Variants in PPM1H observed in about 807,000 individuals in gnomAD.
PPM1H encodes the protein protein phosphatase, Mg2+/Mn2+ dependent 1H, also known as protein phosphatase 1H.
PPM1H carries 27 observed loss-of-function variants against 54.9 expected under a neutral mutation model. That is an observed-to-expected ratio of 0.49 (90% CI 0.36 to 0.68). The LOEUF (loss-of-function observed/expected upper bound fraction) is 0.68, where lower values mean the gene tolerates loss of function less well. Among genes scored for constraint, PPM1H ranks in the 30% least tolerant of loss-of-function variants. The probability of loss-of-function intolerance (pLI) is 0.00; values close to 1 mark genes in which losing one functional copy is unlikely to be tolerated. For synonymous variants in PPM1H, 305 were observed against 270.8 expected (o/e 1.13, Z -1.24); for missense variants, 596 against 667.8 (o/e 0.89, Z 1.19).
At chr12:62,827,164 G>A (rs150380985) in intron 2 of PPM1H, among the ~76,000 whole-genome samples, 20 of 152,216 alleles carry the variant, frequency 1.3e-4, no homozygotes, top group African/African-American at 4.8e-4. Context: ...ACTTTCACCT[G>A]GAAAGGTAGA....
At chr12:62,667,473 G>T (rs181033815) in intron 8 of PPM1H, 144 bp from the exon 9 acceptor site, 2 of 719,970 alleles carry the variant, frequency 2.8e-6, no homozygotes, top group Non-Finnish European at 4.4e-6. Context: ...ATTATACAGC[G>T]AGCTGTGTGG....
At chr12:62,799,297 CCT>C (rs1226138273) in intron 3 of PPM1H, among the ~76,000 whole-genome samples, 2 of 152,156 alleles carry the variant, frequency 1.3e-5, no homozygotes, top group African/African-American at 2.4e-5. Context: ...CCTGTGGAGT[CCT>C]GAGTCAATGT....
intron 5 of PPM1H, among the ~76,000 whole-genome samples, chr12:62,727,234 T>C (rs2076294658): frequency 6.6e-6 from 1 of 151,988 alleles, no homozygotes; most frequent in South Asian, 2.1e-4. Flanking sequence ...AAACCTTAAC[T>C]CCACTCCAGT....
At chr12:62,775,723 A>G (rs1213161520) in intron 4 of PPM1H, among the ~76,000 whole-genome samples, 2 of 152,220 alleles carry the variant, frequency 1.3e-5, no homozygotes, top group East Asian at 3.9e-4. Flanking sequence ...TCACTGCAGC[A>G]CTAGCTGCCA....
At chr12:62,824,109 GA>G (rs1868260576) in intron 2 of PPM1H, among the ~76,000 whole-genome samples, 1 of 151,540 alleles carries the variant, frequency 6.6e-6, no homozygotes, top group African/African-American at 2.4e-5. Flanking sequence ...ACCAATAACA[GA>G]CAAACAGAGA....
chr12:62,817,116 T>TAAAAAAAAAAAAAAAAAAAAAA (rs1189819660), intron 2 of PPM1H, among the ~76,000 whole-genome samples: 41 of 41,680 alleles, frequency 9.8e-4, no homozygotes, highest in East Asian at 2.2e-3. Context: ...ACTGCATTAC[T>TAAAAAAAAAAAAAAAAAAAAAA]AAAAAAAAAA....
chr12:62,727,225 A>C (rs988831669), intron 5 of PPM1H, among the ~76,000 whole-genome samples: 1 of 151,982 alleles, frequency 6.6e-6, no homozygotes, highest in Non-Finnish European at 1.5e-5. Flanking sequence ...TCATTTTTAA[A>C]ACCTTAACTC....
chr12:62,791,669 C>A (rs1389303291), intron 3 of PPM1H, among the ~76,000 whole-genome samples: 1 of 152,050 alleles, frequency 6.6e-6, no homozygotes, highest in Non-Finnish European at 1.5e-5. Flanking sequence ...GCCTGTAATC[C>A]CAGCCCTTTG....
At chr12:62,902,521 A>G (rs544336866) in intron 1 of PPM1H, among the ~76,000 whole-genome samples, 1 of 152,314 alleles carries the variant, frequency 6.6e-6, no homozygotes, top group African/African-American at 2.4e-5. Context: ...CCCAGGACTC[A>G]GCCTTCTTCA....
chr12:62,779,981 T>A (rs148493420), intron 4 of PPM1H, among the ~76,000 whole-genome samples: 66 of 152,376 alleles, frequency 4.3e-4, no homozygotes, highest in African/African-American at 1.5e-3. Context: ...TGTTGAATTA[T>A]GTCACCTAGA....
intron 6 of PPM1H, among the ~76,000 whole-genome samples, chr12:62,700,061 C>T (rs969819110): frequency 5.9e-5 from 9 of 152,132 alleles, no homozygotes; most frequent in Admixed American, 1.3e-4. Flanking sequence ...GCCTCATATC[C>T]CCCTCCCTTA....
chr12:62,837,808 T>C (rs1450955007), intron 1 of PPM1H, among the ~76,000 whole-genome samples: 3 of 152,218 alleles, frequency 2.0e-5, no homozygotes, highest in Non-Finnish European at 4.4e-5. Context: ...CCAAGGATGT[T>C]ATCCAGCCAT....
At chr12:62,790,546 G>A (rs1225332634) in intron 3 of PPM1H, among the ~76,000 whole-genome samples, 3 of 152,044 alleles carry the variant, frequency 2.0e-5, no homozygotes, top group East Asian at 1.9e-4. Context: ...TGCTTTAGCC[G>A]GGGTGACAGA....
intron 1 of PPM1H, among the ~76,000 whole-genome samples, chr12:62,884,809 AAAATT>A (rs1870528405): frequency 6.6e-6 from 1 of 152,190 alleles, no homozygotes; most frequent in South Asian, 2.1e-4. Flanking sequence ...TCACAAAACT[AAAATT>A]AAGGTGTCGG....
chr12:62,871,509 T>G lies in PPM1H; in HGVS notation c.246-39230A>C, dbSNP rs1592646520. The stretch of plus-strand genomic sequence containing the variant: ...TATATTGAAAACCACCGAACTGTGG[T>G]ACTTTTTTTTTTTTTTTTTTTTTGA... On this transcript the variant is annotated intron_variant, in intron 1 of 9. Transcript: ENST00000228705. Among the ~76,000 whole-genome samples the G allele has an allele frequency of 3.6e-5, 5 of 140,730 alleles. 1 individual carries two copies. In the Admixed American group the frequency reaches 4.1e-4, roughly 11 times the overall value. The allele number at this position is 140,730 out of a possible 152,430, so 92.3% of individuals were successfully genotyped here. A position where few individuals can be genotyped will look rare whatever the true frequency, so the allele number is the denominator to read the frequency against.
intron 1 of PPM1H, among the ~76,000 whole-genome samples, chr12:62,918,457 G>GT (rs944243940): frequency 3.9e-5 from 6 of 152,218 alleles, no homozygotes; most frequent in African/African-American, 1.4e-4. Context: ...TTTTTAATCA[G>GT]TATGTCCAGC....
chr12:62,728,091 G>A (rs1440213347), intron 5 of PPM1H, among the ~76,000 whole-genome samples: 2 of 152,190 alleles, frequency 1.3e-5, no homozygotes, highest in African/African-American at 4.8e-5. Flanking sequence ...TACTAAATGA[G>A]GGGAGAGGGC....
chr12:62,855,482 AG>A (rs975768512), intron 1 of PPM1H, among the ~76,000 whole-genome samples: 6 of 152,172 alleles, frequency 3.9e-5, no homozygotes, highest in African/African-American at 1.4e-4. Context: ...GAGTCACAAC[AG>A]ATTTTGAACA....
chr12:62,692,109 TA>T (rs1252885350), intron 7 of PPM1H, among the ~76,000 whole-genome samples: 1 of 152,140 alleles, frequency 6.6e-6, no homozygotes, highest in Non-Finnish European at 1.5e-5. Context: ...GCCACAGAAG[TA>T]CTCTGAAATT....
Sources: allele counts gnomAD v4.1 joint callset (sites outside exome capture counted in the v4.1 genomes callset), GRCh38; gene constraint gnomAD v4.1.1; transcripts MANE v1.5; gene names NCBI Gene and HGNC (gene_info 2026-07-23, HGNC 2026-07-21).